The following CCDC178 variants were observed in gnomAD, a reference collection of about 807,000 sequenced individuals.
CCDC178 encodes coiled-coil domain containing 178.
In CCDC178, 126 loss-of-function variants were observed where a neutral mutation model predicts 117.4. That is an observed-to-expected ratio of 1.07 (90% confidence interval 0.93 to 1.24). The LOEUF (loss-of-function observed/expected upper bound fraction) is 1.24. CCDC178 is among the 50% of genes most tolerant of loss of function. The probability of loss-of-function intolerance (pLI) is 0.00; values close to 1 mark genes in which losing one functional copy is unlikely to be tolerated. For missense variants in CCDC178, 1,030 were observed against 986.9 expected (o/e 1.04, Z -0.59); for synonymous variants, 283 against 313.4 (o/e 0.90, Z 1.02).
chr18:33,365,446 A>G (rs985653394), intron 6 of CCDC178, among the ~76,000 whole-genome samples: 4 of 152,086 alleles, frequency 2.6e-5, no homozygotes, highest in Admixed American at 6.6e-5. Flanking sequence ...TGCCACTGAC[A>G]TTAGATCTCG....
chr18:32,974,940 C>T (rs1016183680), intron 21 of CCDC178, among the ~76,000 whole-genome samples: 1 of 152,114 alleles, frequency 6.6e-6, no homozygotes, highest in Admixed American at 6.6e-5. Flanking sequence ...CTAGCTGAGG[C>T]AAACTCTGTG....
chr18:33,179,079 ATATATATAT>A (rs1381151173), intron 20 of CCDC178, among the ~76,000 whole-genome samples: 3 of 43,870 alleles, frequency 6.8e-5, no homozygotes, highest in South Asian at 1.4e-3. Context: ...AAAAAAAAAA[ATATATATAT>A]ATATATATAT....
chr18:33,207,146 G>C (rs1316412482), intron 20 of CCDC178, among the ~76,000 whole-genome samples: 1 of 152,120 alleles, frequency 6.6e-6, no homozygotes, highest in Non-Finnish European at 1.5e-5. Context: ...AGTATCGTGA[G>C]AGAATGTATC....
At chr18:33,434,986 A>C (rs2064269912) in intron 2 of CCDC178, among the ~76,000 whole-genome samples, 1 of 152,246 alleles carries the variant, frequency 6.6e-6, no homozygotes, top group Middle Eastern at 3.4e-3. Flanking sequence ...AAATGTGGAA[A>C]TTGTCATTTT....
At chr18:33,159,859 TAA>T (rs2058442346) in intron 20 of CCDC178, among the ~76,000 whole-genome samples, 1 of 152,120 alleles carries the variant, frequency 6.6e-6, no homozygotes, top group Non-Finnish European at 1.5e-5. Flanking sequence ...TTTAAATACT[TAA>T]ATTATCTTTT....
chr18:33,036,414 C>T (rs1224932429), intron 21 of CCDC178, among the ~76,000 whole-genome samples: 1 of 151,630 alleles, frequency 6.6e-6, no homozygotes, highest in Admixed American at 6.6e-5. Flanking sequence ...GTGCTAGCAT[C>T]AAGAAAATCA....
Position 33,333,208 on chromosome 18 carries a change from T to C in CCDC178, c.845A>G (p.Gln282Arg). The change falls in exon 10 of 23, where the codon CAA becomes CGA. Residue 282 changes from glutamine (Q) to arginine (R), a missense_variant. By Grantham distance (43) the Gln-to-Arg change is conservative. Coordinates refer to ENST00000383096, the MANE Select transcript of CCDC178 (RefSeq NM_001105528.4). The stretch of plus-strand genomic sequence containing the variant: ...TTTTTTATAATGGTTCTTCAGATCT[T>C]GAAGTTCCTGATTCTGCTTAGAGTC... Reference protein sequence around the residue: ...LLDSKQNQELQDLKNHYKKKM... With the variant: ...LLDSKQNQELRDLKNHYKKKM... 6.2e-7 allele frequency: 1 copy of C among 1,606,334 alleles called. No homozygotes were observed. Among genetic ancestry groups the C allele is most frequent in the Non-Finnish European group, 8.5e-7 (1 of 1,176,024 alleles).
intron 6 of CCDC178, among the ~76,000 whole-genome samples, 158 bp from the exon 7 acceptor site, chr18:33,356,504 T>G (rs1220018569): frequency 1.3e-5 from 2 of 152,040 alleles, no homozygotes; most frequent in Non-Finnish European, 2.9e-5. Flanking sequence ...AAAATAAAAT[T>G]CTAAGCCCCC....
At chr18:33,075,679 G>C (rs1204830587) in intron 21 of CCDC178, among the ~76,000 whole-genome samples, 1 of 152,096 alleles carries the variant, frequency 6.6e-6, no homozygotes. Flanking sequence ...AAATTATGTA[G>C]TTATTGGCCA....
intron 20 of CCDC178, among the ~76,000 whole-genome samples, chr18:33,156,119 C>T (rs1431209818): frequency 5.3e-5 from 7 of 130,844 alleles, no homozygotes; most frequent in African/African-American, 1.7e-4. Flanking sequence ...GACGGAGTCT[C>T]GCACTGTCGC....
chr18:32,974,213 A>G (rs547696702), intron 22 of CCDC178, among the ~76,000 whole-genome samples: 48 of 152,304 alleles, frequency 3.2e-4, no homozygotes, highest in African/African-American at 1.1e-3. Flanking sequence ...GCACAAAATC[A>G]GCACAAGGTA....
At chr18:33,324,075 C>T (rs1176345978) in intron 10 of CCDC178, among the ~76,000 whole-genome samples, 2 of 151,774 alleles carry the variant, frequency 1.3e-5, no homozygotes, top group Non-Finnish European at 3.0e-5. Flanking sequence ...TAGTGTAATA[C>T]TTCAAAATAT....
At chr18:32,939,049 A>G (rs2054181807) in intron 22 of CCDC178, among the ~76,000 whole-genome samples, 1 of 152,102 alleles carries the variant, frequency 6.6e-6, no homozygotes, top group Admixed American at 6.6e-5. Context: ...TAAAGACTAC[A>G]TTACTTTAAT....
intron 20 of CCDC178, among the ~76,000 whole-genome samples, chr18:33,143,175 A>G (rs1440431664): frequency 6.6e-6 from 1 of 152,180 alleles, no homozygotes; most frequent in East Asian, 1.9e-4. Context: ...CATTGTGCAG[A>G]GTTTATTGGG....
At chr18:33,293,375 C>T (rs1010262540) in intron 11 of CCDC178, 63 bp from the exon 12 acceptor site, 41 of 1,081,516 alleles carry the variant, frequency 3.8e-5, no homozygotes, top group Non-Finnish European at 5.2e-5. Context: ...TTAAATTATA[C>T]TTAGGCCAGG....
intron 20 of CCDC178, among the ~76,000 whole-genome samples, chr18:33,121,696 G>A (rs908496827): frequency 3.9e-5 from 6 of 152,082 alleles, no homozygotes; most frequent in South Asian, 2.1e-4. Context: ...TCGTAATCTC[G>A]TAATCTTGAG....
At chr18:33,264,198 T>C (rs1465389160) in intron 14 of CCDC178, among the ~76,000 whole-genome samples, 3 of 152,124 alleles carry the variant, frequency 2.0e-5, no homozygotes, top group Admixed American at 1.3e-4. Flanking sequence ...TGCCTACATA[T>C]AGACTTGCCA....
chr18:32,984,344 C>A (rs2055218092), intron 21 of CCDC178, among the ~76,000 whole-genome samples: 1 of 151,846 alleles, frequency 6.6e-6, no homozygotes, highest in African/African-American at 2.4e-5. Flanking sequence ...TCAAGTCTAT[C>A]CTTTTATATG....
intron 22 of CCDC178, among the ~76,000 whole-genome samples, chr18:32,949,159 G>C (rs1488737550): frequency 6.6e-6 from 1 of 151,648 alleles, no homozygotes; most frequent in Non-Finnish European, 1.5e-5. Context: ...TTTTTATCTG[G>C]CTCTTCTAAA....
Sources: allele counts gnomAD v4.1 joint callset (sites outside exome capture counted in the v4.1 genomes callset), GRCh38; gene constraint gnomAD v4.1.1; transcripts MANE v1.5; gene names NCBI Gene and HGNC (gene_info 2026-07-23, HGNC 2026-07-21).